The following TRPC6 variants were observed in gnomAD, a reference collection of about 807,000 sequenced individuals.
The protein encoded by TRPC6 is short transient receptor potential channel 6.
A neutral mutation model predicts 90.7 loss-of-function variants in TRPC6; 55 were observed. That is an observed-to-expected ratio of 0.61 (90% CI 0.49 to 0.76). The LOEUF (loss-of-function observed/expected upper bound fraction) is 0.76. Ranked by LOEUF, TRPC6 falls within the 30% of genes least tolerant of loss-of-function variation. TRPC6 has a pLI of 0.00. For missense variants in TRPC6, 989 were observed against 1,122.7 expected (o/e 0.88, Z 1.70); for synonymous variants, 393 against 393.0 (o/e 1.00, Z 0.00).
At chr11:101,472,698 T>C (rs1180527351) in intron 7 of TRPC6, among the ~76,000 whole-genome samples, 1 of 152,148 alleles carries the variant, frequency 6.6e-6, no homozygotes, top group Admixed American at 6.6e-5. Flanking sequence ...TCATATCCAA[T>C]AGATAATAAT....
intron 1 of TRPC6, among the ~76,000 whole-genome samples, chr11:101,568,518 C>G (rs997871770): frequency 1.3e-5 from 2 of 152,128 alleles, no homozygotes; most frequent in African/African-American, 4.8e-5. Flanking sequence ...GAGAATACCA[C>G]AAAGGTATTC....
At position 101,484,833 on chromosome 11, in the gene TRPC6, T is replaced by G. The variant is rs181337935; in HGVS notation, c.1294-1668A>C. ...TATCATGTAAATGCTATGTAAATTT[T>G]TGTTATAAGATACACTTTTAAATTG... On this transcript the variant is annotated intron_variant, in intron 4 of 12. Coordinates refer to ENST00000344327, the MANE Select transcript of TRPC6 (RefSeq NM_004621.6). Among the ~76,000 whole-genome samples the G allele has an allele frequency of 9.9e-5, 15 of 152,228 alleles. 1 individual carries two copies. Among genetic ancestry groups the G allele is most frequent in the Admixed American group, 9.2e-4 (14 of 15,270 alleles).
chr11:101,486,209 C>G (rs939415923), intron 4 of TRPC6, among the ~76,000 whole-genome samples: 6 of 152,052 alleles, frequency 3.9e-5, no homozygotes, highest in African/African-American at 1.2e-4. Context: ...AATTGTATTT[C>G]TCTTCAAACT....
At chr11:101,527,923 A>G (rs1474403465) in intron 1 of TRPC6, among the ~76,000 whole-genome samples, 1 of 152,128 alleles carries the variant, frequency 6.6e-6, no homozygotes, top group Non-Finnish European at 1.5e-5. Flanking sequence ...AATTAAAAAA[A>G]TTAGCTGGGC....
chr11:101,581,379 G>C (rs1394729995), intron 1 of TRPC6, among the ~76,000 whole-genome samples: 1 of 152,182 alleles, frequency 6.6e-6, no homozygotes, highest in Non-Finnish European at 1.5e-5. Context: ...AGAGTTTTCA[G>C]GACAACTTGG....
intron 1 of TRPC6, among the ~76,000 whole-genome samples, chr11:101,506,571 C>T (rs1860272588): frequency 6.6e-6 from 1 of 152,048 alleles, no homozygotes; most frequent in Non-Finnish European, 1.5e-5. Context: ...CTTTAACTAT[C>T]CAAGTCCTAT....
chr11:101,504,014 A>G lies in TRPC6; in HGVS notation c.945+10T>C, dbSNP rs761654887. Reference sequence around the variant, plus strand: ...TGTGGAGGGTGAAGTCTCTATTGTTAGTGACCTACCTTGAACTCTTTCTCA... The same window carrying G: ...TGTGGAGGGTGAAGTCTCTATTGTTGGTGACCTACCTTGAACTCTTTCTCA... On this transcript the variant is annotated intron_variant, in intron 2 of 12. Coordinates refer to ENST00000344327, the MANE Select transcript of TRPC6 (RefSeq NM_004621.6). 6.2e-7 allele frequency: 1 copy of G among 1,614,034 alleles called. No homozygotes were observed. Among genetic ancestry groups the G allele is most frequent in the South Asian group, 1.1e-5 (1 of 91,072 alleles).
intron 5 of TRPC6, 89 bp downstream of exon 5, chr11:101,482,860 T>C: frequency 7.6e-7 from 1 of 1,309,618 alleles, no homozygotes. Context: ...CTGCATACAT[T>C]TGTATAACTG....
chr11:101,477,932 T>C (rs949718427), intron 5 of TRPC6, among the ~76,000 whole-genome samples: 3 of 152,218 alleles, frequency 2.0e-5, no homozygotes, highest in Non-Finnish European at 2.9e-5. Flanking sequence ...TAAGATACTC[T>C]ACTCTGACAT....
intron 6 of TRPC6, 86 bp downstream of exon 6, chr11:101,476,215 A>G: frequency 9.1e-7 from 1 of 1,097,210 alleles, no homozygotes; most frequent in Non-Finnish European, 1.4e-6. Flanking sequence ...TTTTATGAGA[A>G]TTGTGCAGTA....
intron 1 of TRPC6, among the ~76,000 whole-genome samples, chr11:101,577,332 A>T (rs1342343001): frequency 6.6e-6 from 1 of 152,130 alleles, no homozygotes; most frequent in East Asian, 1.9e-4. Context: ...TTGTTAAGAA[A>T]ATCAGCCCTT....
intron 1 of TRPC6, among the ~76,000 whole-genome samples, chr11:101,548,467 T>TAC (rs1861372335): frequency 1.3e-5 from 1 of 74,674 alleles, no homozygotes; most frequent in South Asian, 6.0e-4. Flanking sequence ...GATATATATA[T>TAC]ATATATATAT....
intron 1 of TRPC6, among the ~76,000 whole-genome samples, chr11:101,559,139 T>C (rs950495834): frequency 6.6e-6 from 1 of 152,214 alleles, no homozygotes; most frequent in East Asian, 1.9e-4. Context: ...ATCCACACTA[T>C]ATAAGGGGCT....
chr11:101,567,044 G>T (rs1429589526), intron 1 of TRPC6, among the ~76,000 whole-genome samples: 1 of 151,818 alleles, frequency 6.6e-6, no homozygotes, highest in Non-Finnish European at 1.5e-5. Context: ...CCCTGGAAAG[G>T]GGGCTGAAGT....
intron 1 of TRPC6, among the ~76,000 whole-genome samples, chr11:101,579,160 C>G (rs1333805312): frequency 1.3e-5 from 2 of 152,012 alleles, no homozygotes; most frequent in Admixed American, 6.6e-5. Context: ...TTTTTTATGT[C>G]TCTGCATTTT....
chr11:101,523,607 T>TA (rs760156441), intron 1 of TRPC6, among the ~76,000 whole-genome samples: 1 of 152,132 alleles, frequency 6.6e-6, no homozygotes, highest in Non-Finnish European at 1.5e-5. Context: ...CACTGGAGAG[T>TA]AAAAAAGCAA....
At chr11:101,480,923 A>T (rs951719590) in intron 5 of TRPC6, among the ~76,000 whole-genome samples, 1 of 152,240 alleles carries the variant, frequency 6.6e-6, no homozygotes, top group Non-Finnish European at 1.5e-5. Flanking sequence ...TTAGAAAAGA[A>T]ATAGAATAAA....
intron 5 of TRPC6, among the ~76,000 whole-genome samples, chr11:101,479,687 T>C (rs1399533031): frequency 6.6e-6 from 1 of 152,166 alleles, no homozygotes; most frequent in Non-Finnish European, 1.5e-5. Flanking sequence ...TAACATAGGC[T>C]ACAAAAGCAT....
chr11:101,491,481 A>T, intron 3 of TRPC6, 75 bp downstream of exon 3: 1 of 1,563,592 alleles, frequency 6.4e-7, no homozygotes, highest in East Asian at 2.2e-5. Flanking sequence ...TTAATCTAAC[A>T]ATATCAACCC....
Sources: allele counts gnomAD v4.1 joint callset (sites outside exome capture counted in the v4.1 genomes callset), GRCh38; gene constraint gnomAD v4.1.1; transcripts MANE v1.5; gene names NCBI Gene and HGNC (gene_info 2026-07-23, HGNC 2026-07-21).